RDX: variants seen among roughly 807,000 people sequenced by gnomAD.
RDX encodes the protein deafness, autosomal recessive 24.
A neutral mutation model predicts 83.7 loss-of-function variants in RDX; 32 were observed. That is an observed-to-expected ratio of 0.38 (90% confidence interval 0.29 to 0.51). The LOEUF is 0.51. RDX is among the 20% of genes least tolerant of loss of function. RDX has a pLI of 0.87. For synonymous variants in RDX, 229 were observed against 222.7 expected (o/e 1.03, Z -0.25); for missense variants, 600 against 689.9 (o/e 0.87, Z 1.46).
At chr11:110,203,374 G>C (rs1020649318) in intron 14 of RDX, among the ~76,000 whole-genome samples, 5 of 150,826 alleles carry the variant, frequency 3.3e-5, no homozygotes, top group Non-Finnish European at 5.9e-5. Context: ...GAAGGGTAGT[G>C]GGGAAGCAGG....
At chr11:110,197,713 T>C (rs1257795879) in intron 15 of RDX, among the ~76,000 whole-genome samples, 1 of 152,238 alleles carries the variant, frequency 6.6e-6, no homozygotes, top group African/African-American at 2.4e-5. Flanking sequence ...CATGAATGAA[T>C]TTCTGCACTG....
chr11:110,197,505 TTC>T (rs1863245209), intron 15 of RDX, among the ~76,000 whole-genome samples: 1 of 152,214 alleles, frequency 6.6e-6, no homozygotes, highest in South Asian at 2.1e-4. Context: ...CAAAATCTCT[TTC>T]TGTCATTTGA....
At chr11:110,212,093 C>A in intron 14 of RDX, among the ~76,000 whole-genome samples, 2 of 138,438 alleles carry the variant, frequency 1.4e-5, no homozygotes, top group Admixed American at 7.3e-5. Context: ...GCTAGCAAGA[C>A]TAATAAAGAA....
chr11:110,204,091 A>G (rs1466758921), intron 14 of RDX, among the ~76,000 whole-genome samples: 1 of 152,184 alleles, frequency 6.6e-6, no homozygotes, highest in Non-Finnish European at 1.5e-5. Context: ...GGGACTGGAA[A>G]TTGCAGCCAG....
chr11:110,283,734 G>C (rs533675378), intron 1 of RDX, among the ~76,000 whole-genome samples: 4 of 151,064 alleles, frequency 2.6e-5, no homozygotes, highest in Non-Finnish European at 4.4e-5. Context: ...CAAACAAAAA[G>C]ACAGACTTGA....
chr11:110,211,038 C>A (rs943593436), intron 14 of RDX, among the ~76,000 whole-genome samples: 1 of 152,108 alleles, frequency 6.6e-6, no homozygotes, highest in Non-Finnish European at 1.5e-5. Flanking sequence ...TTAAAAGACA[C>A]AGACTGGCAA....
chr11:110,202,139 C>A (rs868197307), intron 14 of RDX, among the ~76,000 whole-genome samples: 17 of 151,982 alleles, frequency 1.1e-4, no homozygotes, highest in African/African-American at 3.4e-4. Flanking sequence ...CACCTGTAAT[C>A]CCAGCACTTT....
intron 1 of RDX, among the ~76,000 whole-genome samples, chr11:110,283,662 C>A (rs1860856652): frequency 6.6e-6 from 1 of 151,664 alleles, no homozygotes; most frequent in East Asian, 1.9e-4. Flanking sequence ...GAGTTCAAGA[C>A]CAGCCTGGAA....
chr11:110,198,057 T>C (rs1424821557), intron 15 of RDX, among the ~76,000 whole-genome samples: 3 of 150,444 alleles, frequency 2.0e-5, no homozygotes, highest in Admixed American at 7.2e-5. Context: ...AATGAACACA[T>C]GTGACCATTT....
At position 110,231,624 on chromosome 11, in the gene RDX, A is replaced by T; in HGVS notation, c.*245T>A. 2 of 536,348 alleles carry T rather than the reference A, an allele frequency of 3.7e-6. No homozygotes were observed. Among genetic ancestry groups the T allele is most frequent in the Non-Finnish European group, 6.7e-6 (2 of 298,800 alleles). The allele number at this position is 536,348 out of a possible 1,614,324, so 33.2% of individuals were successfully genotyped here. A position where few individuals can be genotyped will look rare whatever the true frequency, so the allele number is the denominator to read the frequency against. On this transcript the variant is annotated 3_prime_UTR_variant, in exon 14 of 14. Coordinates refer to ENST00000645495, the MANE Select transcript of RDX (RefSeq NM_002906.4). Reference sequence around the variant, plus strand: ...AGAAAAAAAAAAGAAAAAGAAAAAAAATGTGAAAAGAGGCAATGGAACACC... The same window carrying T: ...AGAAAAAAAAAAGAAAAAGAAAAAATATGTGAAAAGAGGCAATGGAACACC...
At chr11:110,182,149 G>A (rs1197440187) in intron 15 of RDX, among the ~76,000 whole-genome samples, 8 of 152,224 alleles carry the variant, frequency 5.3e-5, no homozygotes, top group Admixed American at 2.0e-4. Context: ...AGCTCTCAGC[G>A]AGTGAGGACT....
intron 15 of RDX, among the ~76,000 whole-genome samples, chr11:110,187,555 G>A (rs1383801041): frequency 3.3e-5 from 5 of 152,220 alleles, no homozygotes; most frequent in Non-Finnish European, 5.9e-5. Context: ...TAGAGCAGGA[G>A]TTTAGGATGC....
chr11:110,231,241 T>A lies in RDX; in HGVS notation c.*628A>T, dbSNP rs1163340109. The stretch of plus-strand genomic sequence containing the variant: ...AATATCAAATATCCAATAAGGTAAT[T>A]AAATTTAGATTAAAAAAAAACTAAG... On this transcript the variant is annotated 3_prime_UTR_variant, in exon 14 of 14. Coordinates refer to ENST00000645495, the MANE Select transcript of RDX (RefSeq NM_002906.4). 1.3e-5 allele frequency: 2 copies of A among 152,960 alleles called. No individual in the cohort carries two copies. Among genetic ancestry groups the A allele is most frequent in the East Asian group, 1.9e-4 (1 of 5,198 alleles). 9.5% of individuals were successfully genotyped at this position (152,960 alleles called of 1,614,324 possible).
chr11:110,283,310 T>C (rs1035938045), intron 1 of RDX, among the ~76,000 whole-genome samples: 1 of 152,096 alleles, frequency 6.6e-6, no homozygotes, highest in Non-Finnish European at 1.5e-5. Flanking sequence ...TCTGCCACCA[T>C]GTCTGACTAA....
chr11:110,174,955 G>A (rs1340770420), exon 16 of RDX: 1 of 152,200 alleles, frequency 6.6e-6, no homozygotes, highest in Non-Finnish European at 1.5e-5. Flanking sequence ...CTTCTTCCGT[G>A]GACCCACACA....
chr11:110,204,789 A>C (rs886611654), intron 14 of RDX, among the ~76,000 whole-genome samples: 3 of 152,170 alleles, frequency 2.0e-5, no homozygotes, highest in Non-Finnish European at 4.4e-5. Flanking sequence ...TGCTGGGATT[A>C]CAGGCGTGAG....
intron 5 of RDX, among the ~76,000 whole-genome samples, chr11:110,262,505 T>C (rs1859845592): frequency 6.6e-6 from 1 of 151,976 alleles, no homozygotes; most frequent in South Asian, 2.1e-4. Context: ...GGAGAATCGC[T>C]TGAATCCGGG....
rs1313189737 is a variant in RDX, at chr11:110,230,309, A to G, written c.*1560T>C. On this transcript the variant is annotated 3_prime_UTR_variant, in exon 14 of 14. Coordinates refer to ENST00000645495, the MANE Select transcript of RDX (RefSeq NM_002906.4). The stretch of plus-strand genomic sequence containing the variant: ...CAAATTTAGCTGTTTTACAATAAAC[A>G]AAGTATTAGAACATGTGAATATTAG... The G allele has an allele frequency of 3.9e-5, 6 of 152,184 alleles. No individual in the cohort carries two copies. Among genetic ancestry groups the G allele is most frequent in the Admixed American group, 3.3e-4 (5 of 15,274 alleles). 9.4% of individuals were successfully genotyped at this position (152,184 alleles called of 1,614,324 possible).
chr11:110,262,445 T>G (rs148766126), intron 5 of RDX, among the ~76,000 whole-genome samples: 3,606 of 151,938 alleles, frequency 0.024, 55 homozygotes, highest in Non-Finnish European at 0.039. Flanking sequence ...ATTAGCCAGG[T>G]GTGGTTGTGT....
Sources: allele counts gnomAD v4.1 joint callset (sites outside exome capture counted in the v4.1 genomes callset), GRCh38; gene constraint gnomAD v4.1.1; transcripts MANE v1.5; gene names NCBI Gene and HGNC (gene_info 2026-07-23, HGNC 2026-07-21).